The following CPLX2 variants were observed in gnomAD, a reference collection of about 807,000 sequenced individuals.
CPLX2 encodes the protein complexin 2, also known as complexin-2.
In CPLX2, 5 loss-of-function variants were observed where a neutral mutation model predicts 16.3. That is an observed-to-expected ratio of 0.31 (90% CI 0.16 to 0.64). The LOEUF (loss-of-function observed/expected upper bound fraction) is 0.64, where lower values mean the gene tolerates loss of function less well. CPLX2 is among the 30% of genes least tolerant of loss of function. The pLI, the probability that CPLX2 is intolerant of heterozygous loss-of-function variation, is 0.79. For synonymous variants in CPLX2, 89 were observed against 73.2 expected, an observed-to-expected ratio of 1.22 and a Z score of -1.10; for missense variants, 144 against 181.4, an observed-to-expected ratio of 0.79 and a Z score of 1.18.
chr5:175,880,081 T>A lies in CPLX2; in HGVS notation c.*36T>A. 6.3e-7 allele frequency: 1 copy of A among 1,581,948 alleles called. No individual in the cohort carries two copies. Among genetic ancestry groups the A allele is most frequent in the Non-Finnish European group, 8.6e-7 (1 of 1,161,542 alleles). On this transcript the variant is annotated 3_prime_UTR_variant, in exon 4 of 4. Coordinates refer to ENST00000393745, the MANE Select transcript of CPLX2 (RefSeq NM_001008220.2). ...TGCCCCAGCCTACTCCACCTGTTAC[T>A]ACTTCTTTTTGGTTCTTTCTTTTCT...
At chr5:175,859,598 C>T (rs183158951) in intron 2 of CPLX2, among the ~76,000 whole-genome samples, 14 of 152,310 alleles carry the variant, frequency 9.2e-5, no homozygotes, top group African/African-American at 3.4e-4. Context: ...AGAATGCCGA[C>T]GCCACTCAAA....
At chr5:175,822,338 T>G (rs952867408) in intron 2 of CPLX2, among the ~76,000 whole-genome samples, 1 of 152,188 alleles carries the variant, frequency 6.6e-6, no homozygotes. Context: ...GTAGACCACG[T>G]GGACTTTGAT....
At chr5:175,835,389 G>T (rs1758810388) in intron 2 of CPLX2, among the ~76,000 whole-genome samples, 1 of 152,130 alleles carries the variant, frequency 6.6e-6, no homozygotes, top group African/African-American at 2.4e-5. Flanking sequence ...ATTTAAGGAA[G>T]AAATAATACC....
At chr5:175,814,074 T>C (rs1224169298) in intron 2 of CPLX2, among the ~76,000 whole-genome samples, 1 of 152,210 alleles carries the variant, frequency 6.6e-6, no homozygotes, top group Non-Finnish European at 1.5e-5. Context: ...TAATAGTAAA[T>C]GCAAGATGTA....
intron 2 of CPLX2, among the ~76,000 whole-genome samples, chr5:175,827,033 G>T (rs1242123155): frequency 6.6e-6 from 1 of 152,186 alleles, no homozygotes; most frequent in Non-Finnish European, 1.5e-5. Context: ...TCTCGTCACA[G>T]GGTGGTTTCT....
At chr5:175,835,635 A>C (rs9313729) in intron 2 of CPLX2, among the ~76,000 whole-genome samples, 2 of 151,808 alleles carry the variant, frequency 1.3e-5, no homozygotes, top group African/African-American at 4.8e-5. Context: ...TGCTGAAATC[A>C]AAGTTTTTGT....
intron 2 of CPLX2, among the ~76,000 whole-genome samples, chr5:175,855,434 G>A (rs1259996728): frequency 6.6e-6 from 1 of 152,236 alleles, no homozygotes; most frequent in Non-Finnish European, 1.5e-5. Context: ...TTAGATGCAA[G>A]TGATAGAAAA....
chr5:175,806,648 G>A (rs911817138), intron 1 of CPLX2, among the ~76,000 whole-genome samples: 6 of 137,172 alleles, frequency 4.4e-5, no homozygotes, highest in Admixed American at 3.8e-4. Context: ...GTGTCACCAC[G>A]CCCGGTTAAT....
intron 2 of CPLX2, among the ~76,000 whole-genome samples, chr5:175,818,554 T>C (rs1487137664): frequency 6.7e-6 from 1 of 149,022 alleles, no homozygotes. Flanking sequence ...CACGTAACCT[T>C]CCCCAGCTCG....
At chr5:175,798,165 A>G (rs770677779) in intron 1 of CPLX2, among the ~76,000 whole-genome samples, 1 of 152,208 alleles carries the variant, frequency 6.6e-6, no homozygotes, top group Non-Finnish European at 1.5e-5. Flanking sequence ...TTACTAGCAT[A>G]TGACCTTGGG....
In CPLX2 at chr5:175,830,656, C is replaced by G. The variant is rs1758718540; in HGVS notation, c.-89+21588C>G. Among the ~76,000 whole-genome samples, 2 of 152,232 alleles carry G rather than the reference C, an allele frequency of 1.3e-5. No individual in the cohort carries two copies. Among genetic ancestry groups the G allele is most frequent in the Admixed American group, 6.5e-5 (1 of 15,290 alleles). On this transcript the variant is annotated intron_variant, in intron 2 of 4. Transcript: ENST00000359546. The surrounding 1 kb of genome is among the most constrained non-coding windows in gnomAD (Gnocchi z 4.0). Reference sequence around the variant, plus strand: ...GCAAGGGATGAGCACAATCCAGTCTCTGGAGTCCTCACTCCCCAGAGCTTT... The same window carrying G: ...GCAAGGGATGAGCACAATCCAGTCTGTGGAGTCCTCACTCCCCAGAGCTTT...
intron 2 of CPLX2, among the ~76,000 whole-genome samples, chr5:175,824,626 G>A (rs1758576371): frequency 6.6e-6 from 1 of 152,238 alleles, no homozygotes; most frequent in Non-Finnish European, 1.5e-5. Context: ...CAAGAGGAGG[G>A]CAGGAGAAAG....
At chr5:175,855,774 T>C (rs569087980) in intron 2 of CPLX2, among the ~76,000 whole-genome samples, 1 of 152,330 alleles carries the variant, frequency 6.6e-6, no homozygotes, top group African/African-American at 2.4e-5. Context: ...CCCTAAATCC[T>C]AGGCCTGGAT....
At chr5:175,858,688 G>A (rs1473185417) in intron 2 of CPLX2, among the ~76,000 whole-genome samples, 1 of 152,256 alleles carries the variant, frequency 6.6e-6, no homozygotes, top group Non-Finnish European at 1.5e-5. Flanking sequence ...CCAAAGCATG[G>A]AAGGATCTTG....
intron 2 of CPLX2, among the ~76,000 whole-genome samples, chr5:175,820,065 T>G (rs1758477820): frequency 6.6e-6 from 1 of 152,120 alleles, no homozygotes; most frequent in Non-Finnish European, 1.5e-5. Flanking sequence ...TGGAGGTGAG[T>G]GTCCCCAGCC....
chr5:175,841,215 A>T (rs1214836750), intron 2 of CPLX2, among the ~76,000 whole-genome samples: 2 of 151,944 alleles, frequency 1.3e-5, no homozygotes, highest in Non-Finnish European at 2.9e-5. Flanking sequence ...ATCTCAGCCC[A>T]CTCCAGTTCC....
At chr5:175,871,063 G>A (rs1055380386), upstream of CPLX2, among the ~76,000 whole-genome samples, 28 of 152,272 alleles carry the variant, frequency 1.8e-4, no homozygotes, top group Non-Finnish European at 2.5e-4. Flanking sequence ...TTGTCTGGGA[G>A]TGGCAGGAGC....
intron 2 of CPLX2, among the ~76,000 whole-genome samples, chr5:175,853,057 C>T (rs1489030549): frequency 6.6e-6 from 1 of 152,244 alleles, no homozygotes. Context: ...CAAGACAGTA[C>T]ACGGGTTTCC....
chr5:175,865,607 GTGAA>G (rs2113695114), intron 2 of CPLX2, among the ~76,000 whole-genome samples: 1 of 152,322 alleles, frequency 6.6e-6, no homozygotes, highest in East Asian at 1.9e-4. Context: ...AAAGTTGTGA[GTGAA>G]TGTGTGTAAT....
Sources: allele counts gnomAD v4.1 joint callset (sites outside exome capture counted in the v4.1 genomes callset), GRCh38; gene constraint gnomAD v4.1.1; non-coding constraint Gnocchi (gnomAD v3.1); transcripts MANE v1.5; gene names NCBI Gene and HGNC (gene_info 2026-07-23, HGNC 2026-07-21).